Variants in LTBP1 observed in about 807,000 individuals in gnomAD.
LTBP1 encodes latent-transforming growth factor beta-binding protein 1.
LTBP1 carries 129 observed loss-of-function variants against 207.6 expected under a neutral mutation model. The ratio of observed to expected loss-of-function variants is 0.62; its 90% CI spans 0.54 to 0.72. The LOEUF is 0.72. LTBP1 is among the 30% of genes least tolerant of loss of function. The pLI is 0.00. For synonymous variants in LTBP1, 963 were observed against 833.7 expected (o/e 1.16, Z -2.67); for missense variants, 2,281 against 2,217.2 (o/e 1.03, Z -0.58).
intron 24 of LTBP1, among the ~76,000 whole-genome samples, chr2:33,318,428 C>T (rs992913167): frequency 6.6e-6 from 1 of 152,120 alleles, no homozygotes; most frequent in Non-Finnish European, 1.5e-5. Flanking sequence ...CAATTCTTGC[C>T]TCCATGAAGC....
intron 5 of LTBP1, among the ~76,000 whole-genome samples, chr2:33,135,857 T>C (rs1402102653): frequency 6.6e-6 from 1 of 152,234 alleles, no homozygotes; most frequent in Non-Finnish European, 1.5e-5. Flanking sequence ...GACACCCACG[T>C]TACTTTCTGA....
At chr2:33,306,701 ATTGAG>A (rs1158170003) in intron 22 of LTBP1, among the ~76,000 whole-genome samples, 2 of 152,090 alleles carry the variant, frequency 1.3e-5, no homozygotes, top group East Asian at 3.8e-4. Context: ...TCTTTTTTGA[ATTGAG>A]TTTTTTATTT....
chr2:33,250,922 G>C (rs1191260533), intron 10 of LTBP1, among the ~76,000 whole-genome samples: 1 of 152,142 alleles, frequency 6.6e-6, no homozygotes, highest in Non-Finnish European at 1.5e-5. Flanking sequence ...GAGAAGCAGA[G>C]GGTTGTCTCA....
intron 3 of LTBP1, among the ~76,000 whole-genome samples, chr2:33,098,309 T>A (rs1179868328): frequency 6.6e-6 from 1 of 152,260 alleles, no homozygotes; most frequent in African/African-American, 2.4e-5. Context: ...TTGCATTGAA[T>A]CACCAATTTG....
chr2:33,063,541 T>G (rs72869676), intron 3 of LTBP1, among the ~76,000 whole-genome samples: 2,721 of 152,302 alleles, frequency 0.018, 83 homozygotes, highest in African/African-American at 0.062. Flanking sequence ...TTGTTAATTT[T>G]AAATGAATTA....
intron 13 of LTBP1, among the ~76,000 whole-genome samples, chr2:33,260,336 G>A (rs1324874264): frequency 6.6e-6 from 1 of 151,938 alleles, no homozygotes; most frequent in African/African-American, 2.4e-5. Flanking sequence ...CTAAATTATC[G>A]TTGCATTTTG....
At chr2:33,141,457 AC>A (rs1480543202) in intron 5 of LTBP1, among the ~76,000 whole-genome samples, 1 of 152,258 alleles carries the variant, frequency 6.6e-6, no homozygotes, top group African/African-American at 2.4e-5. Flanking sequence ...TTATAAAAAC[AC>A]ATTTTAAAAA....
At chr2:33,232,667 G>C (rs1377945) in intron 9 of LTBP1, among the ~76,000 whole-genome samples, 84,685 of 151,946 alleles carry the variant, frequency 0.56, 23,785 homozygotes, top group Middle Eastern at 0.58. Context: ...ACAACAAATA[G>C]GTTTTTAAAG....
intron 8 of LTBP1, among the ~76,000 whole-genome samples, chr2:33,221,199 T>C (rs1349533768): frequency 6.6e-6 from 1 of 152,176 alleles, no homozygotes; most frequent in Non-Finnish European, 1.5e-5. Context: ...ACTTAGGCCC[T>C]GTGGTAGGCA....
At chr2:33,099,640 G>A (rs532657812) in intron 3 of LTBP1, among the ~76,000 whole-genome samples, 1 of 152,234 alleles carries the variant, frequency 6.6e-6, no homozygotes, top group South Asian at 2.1e-4. Context: ...GAGATTCAGC[G>A]GCACGGGCAG....
intron 4 of LTBP1, among the ~76,000 whole-genome samples, chr2:33,117,325 G>A (rs218189): frequency 0.99 from 150,861 of 152,300 alleles, 74,725 homozygotes; most frequent in East Asian, 1. Context: ...TTCAGTTCAG[G>A]CTGACATCGA....
intron 15 of LTBP1, among the ~76,000 whole-genome samples, chr2:33,263,727 G>A (rs1415222308): frequency 6.6e-6 from 1 of 152,058 alleles, no homozygotes; most frequent in Non-Finnish European, 1.5e-5. Context: ...GCCAAGGCAG[G>A]CAGATCACAA....
chr2:33,249,706 G>T (rs181618096), intron 10 of LTBP1, among the ~76,000 whole-genome samples: 53 of 152,254 alleles, frequency 3.5e-4, no homozygotes, highest in South Asian at 2.3e-3. Flanking sequence ...TTATGCTTCT[G>T]AAGTGCTTTT....
intron 24 of LTBP1, among the ~76,000 whole-genome samples, chr2:33,337,361 T>C (rs2094564880): frequency 6.6e-6 from 1 of 152,194 alleles, no homozygotes; most frequent in East Asian, 1.9e-4. Context: ...TTGACAACAT[T>C]GCTACTTTTT....
chr2:33,076,479 A>G (rs1393707516), intron 3 of LTBP1, among the ~76,000 whole-genome samples: 2 of 152,006 alleles, frequency 1.3e-5, no homozygotes, highest in Non-Finnish European at 2.9e-5. Context: ...CCCTTAGGGA[A>G]GAAAACCTAA....
chr2:33,347,378 T>C lies in LTBP1; in HGVS notation c.3868T>C (p.Cys1290Arg). Residue 1290 changes from cysteine (C) to arginine (R), a missense_variant, in exon 26 of 34, where the codon TGT becomes CGT. Cys to Arg is a radical substitution (Grantham distance 180, BLOSUM62 -3). Transcript: ENST00000404816. ...GCTCCCTTTTCCAGATGTGAATGAA[T>C]GTGAACTGCTCAGTGGGGTGTGTGG... is the stretch of plus-strand genomic sequence containing the variant. Reference protein sequence around the residue: ...DGQGCVDVNECELLSGVCGEA... With the variant: ...DGQGCVDVNERELLSGVCGEA... 1.2e-6 allele frequency: 2 copies of C among 1,614,152 alleles called. No individual in the cohort carries two copies. The highest frequency in any genetic ancestry group is 1.7e-6 in the Non-Finnish European group (2 of 1,180,020).
intron 3 of LTBP1, among the ~76,000 whole-genome samples, chr2:33,084,674 A>T (rs1222350138): frequency 6.6e-6 from 1 of 152,020 alleles, no homozygotes; most frequent in Non-Finnish European, 1.5e-5. Flanking sequence ...CTTATAAAAA[A>T]CTCCTGTGCG....
At chr2:33,019,729 T>G (rs1252927463) in intron 2 of LTBP1, among the ~76,000 whole-genome samples, 2 of 152,232 alleles carry the variant, frequency 1.3e-5, no homozygotes, top group East Asian at 3.9e-4. Flanking sequence ...TTTTAAATTT[T>G]TAATTTTGAG....
intron 3 of LTBP1, among the ~76,000 whole-genome samples, chr2:33,030,864 A>C (rs944939841): frequency 6.6e-6 from 1 of 152,088 alleles, no homozygotes; most frequent in East Asian, 1.9e-4. Flanking sequence ...TTATGAAGCA[A>C]TTTTGTGTTT....
Sources: gnomAD v4.1 joint callset for allele counts (sites outside exome capture counted in the v4.1 genomes callset) on GRCh38, gnomAD v4.1.1 for gene constraint, MANE v1.5 for transcripts, NCBI Gene and HGNC (gene_info 2026-07-23, HGNC 2026-07-21) for gene names.